Variants in SPIDR observed in about 807,000 individuals in gnomAD.
SPIDR encodes DNA repair-scaffolding protein.
In SPIDR, 93 loss-of-function variants were observed where a neutral mutation model predicts 104.6. The ratio of observed to expected loss-of-function variants is 0.89; its 90% confidence interval spans 0.75 to 1.06. The LOEUF (loss-of-function observed/expected upper bound fraction) is 1.06, where lower values mean the gene tolerates loss of function less well. Among genes scored for constraint, SPIDR ranks in the 50% least tolerant of loss-of-function variants. SPIDR has a pLI of 0.00. For synonymous variants in SPIDR, 431 were observed against 416.9 expected, an observed-to-expected ratio of 1.03 and a Z score of -0.41; for missense variants, 1,154 against 1,111.2, an observed-to-expected ratio of 1.04 and a Z score of -0.55.
At chr8:47,580,709 C>T (rs894136109) in intron 8 of SPIDR, among the ~76,000 whole-genome samples, 14 of 150,070 alleles carry the variant, frequency 9.3e-5, no homozygotes, top group Admixed American at 3.3e-4. Context: ...TTAAAACACC[C>T]GGGACTCAGT....
rs1453443192 is a variant in SPIDR at position 47,685,515 on chromosome 8, TTA to T, written c.1685+11576_1685+11577del. Among the ~76,000 whole-genome samples the T allele has an allele frequency of 8.2e-3, 1,207 of 146,698 alleles. 54 individuals are homozygous for T. The highest frequency in any genetic ancestry group is 0.014 in the Middle Eastern group (4 of 290). Reference sequence around the variant, plus strand: ...TTTATTTATTTATTTATTTATTTATTTATTTTTTTGAGACAGTCTCTCTCTGT... The same window carrying T: ...TTTATTTATTTATTTATTTATTTATTTTTTTTTGAGACAGTCTCTCTCTGT... On this transcript the variant is annotated intron_variant, in intron 11 of 19. Transcript: ENST00000297423.
chr8:47,317,812 C>T, intron 5 of SPIDR, among the ~76,000 whole-genome samples: 1 of 152,282 alleles, frequency 6.6e-6, no homozygotes, highest in East Asian at 1.9e-4. Context: ...TCTGCAGCCT[C>T]CACTGCTGAT....
intron 10 of SPIDR, among the ~76,000 whole-genome samples, chr8:47,670,520 T>C (rs1342047126): frequency 6.6e-6 from 1 of 152,220 alleles, no homozygotes; most frequent in Non-Finnish European, 1.5e-5. Context: ...TTTATTTTCT[T>C]GGCCATTTAA....
chr8:47,382,190 T>G (rs1403319092), intron 5 of SPIDR, among the ~76,000 whole-genome samples: 1 of 152,224 alleles, frequency 6.6e-6, no homozygotes, highest in Non-Finnish European at 1.5e-5. Flanking sequence ...AGGAGGACCC[T>G]ACACGTGTAG....
At chr8:47,528,093 A>T (rs1183158086) in intron 8 of SPIDR, 1 of 152,182 alleles carries the variant, frequency 6.6e-6, no homozygotes, top group South Asian at 2.1e-4. Flanking sequence ...CAAACCTCAC[A>T]TATGTTGTTC....
chr8:47,377,096 T>G (rs2058747679), intron 5 of SPIDR, among the ~76,000 whole-genome samples: 1 of 152,210 alleles, frequency 6.6e-6, no homozygotes. Context: ...TGGATGGTGA[T>G]TTGCTTTCTA....
intron 1 of SPIDR, 90 bp downstream of exon 1, chr8:47,261,081 G>A (rs912783488): frequency 3.3e-6 from 4 of 1,201,006 alleles, no homozygotes; most frequent in Non-Finnish European, 4.2e-6. Flanking sequence ...GTTGTGCTGG[G>A]GTGAGAGAGG....
At position 47,494,354 on chromosome 8, in the gene SPIDR, A is replaced by C. The variant is rs1465280297; in HGVS notation, c.1097+53812A>C. Among the ~76,000 whole-genome samples the C allele has an allele frequency of 2.0e-5, 3 of 151,154 alleles. No homozygotes were observed. The East Asian group carries it at 5.9e-4, about 30-fold the overall frequency. On this transcript the variant is annotated intron_variant, in intron 8 of 19. Transcript: ENST00000297423. ...GCCCAGGCTGGAGTACAGTGGCACCATCACAGCTCACTGCAGCCTTGACCT... is the reference window on the plus strand; with the variant it reads ...GCCCAGGCTGGAGTACAGTGGCACCCTCACAGCTCACTGCAGCCTTGACCT...
chr8:47,615,242 A>G (rs1452664114), intron 10 of SPIDR, among the ~76,000 whole-genome samples: 1 of 151,382 alleles, frequency 6.6e-6, no homozygotes, highest in Admixed American at 6.6e-5. Context: ...GTTTGATGAC[A>G]CTCAAATTGT....
intron 10 of SPIDR, among the ~76,000 whole-genome samples, chr8:47,642,807 G>A (rs946499381): frequency 1.3e-5 from 2 of 152,146 alleles, no homozygotes; most frequent in African/African-American, 4.8e-5. Flanking sequence ...TACTTGAGAG[G>A]CTGAGGCAAG....
chr8:47,623,110 T>C (rs567338375), intron 10 of SPIDR, among the ~76,000 whole-genome samples: 120 of 152,288 alleles, frequency 7.9e-4, no homozygotes, highest in Non-Finnish European at 1.4e-3. Flanking sequence ...GAGGATCATC[T>C]CTTTATCATA....
At chr8:47,402,960 T>TA (rs1554664389) in intron 6 of SPIDR, among the ~76,000 whole-genome samples, 1 of 152,186 alleles carries the variant, frequency 6.6e-6, no homozygotes, top group African/African-American at 2.4e-5. Flanking sequence ...CTCAATAAAA[T>TA]ACTGGCAAAC....
At chr8:47,293,592 G>A (rs1554570915) in intron 4 of SPIDR, among the ~76,000 whole-genome samples, 2 of 152,210 alleles carry the variant, frequency 1.3e-5, no homozygotes, top group African/African-American at 4.8e-5. Context: ...GACTATAGGT[G>A]TGTGCCACCG....
chr8:47,575,595 C>T (rs1442877185), intron 8 of SPIDR, among the ~76,000 whole-genome samples: 5 of 144,972 alleles, frequency 3.4e-5, no homozygotes, highest in African/African-American at 1.3e-4. Flanking sequence ...TGCAGTGAGC[C>T]GAGATCGCGC....
At chr8:47,373,370 G>A (rs1010902742) in intron 5 of SPIDR, among the ~76,000 whole-genome samples, 1 of 152,136 alleles carries the variant, frequency 6.6e-6, no homozygotes, top group Non-Finnish European at 1.5e-5. Context: ...AGAAAATTGG[G>A]CATATGGTTG....
intron 10 of SPIDR, among the ~76,000 whole-genome samples, chr8:47,638,395 C>T (rs994353981): frequency 3.3e-5 from 5 of 152,210 alleles, no homozygotes; most frequent in Admixed American, 2.0e-4. Flanking sequence ...TCCCTTCCCT[C>T]AGCCTCCCAA....
intron 10 of SPIDR, among the ~76,000 whole-genome samples, chr8:47,640,929 T>C (rs1045939359): frequency 4.3e-5 from 6 of 138,534 alleles, no homozygotes. Flanking sequence ...CCCAGGCTGG[T>C]CTCGAACTCC....
intron 5 of SPIDR, among the ~76,000 whole-genome samples, chr8:47,391,157 G>A (rs1343119266): frequency 6.6e-6 from 1 of 152,102 alleles, no homozygotes; most frequent in South Asian, 2.1e-4. Flanking sequence ...ATGGACGTGG[G>A]GGATATTCTA....
intron 10 of SPIDR, among the ~76,000 whole-genome samples, chr8:47,645,478 A>C (rs941666111): frequency 6.6e-6 from 1 of 152,074 alleles, no homozygotes; most frequent in African/African-American, 2.4e-5. Flanking sequence ...GAAGGAGTCA[A>C]ATTGGATATG....
Sources: allele counts gnomAD v4.1 joint callset (sites outside exome capture counted in the v4.1 genomes callset), GRCh38; gene constraint gnomAD v4.1.1; transcripts MANE v1.5; gene names NCBI Gene and HGNC (gene_info 2026-07-23, HGNC 2026-07-21).